TANGO2: variants seen among roughly 807,000 people sequenced by gnomAD.
TANGO2 encodes the protein transport and Golgi organization protein 2 homolog.
In TANGO2, 26 loss-of-function variants were observed where a neutral mutation model predicts 39.1. The ratio of observed to expected loss-of-function variants is 0.67; its 90% CI spans 0.49 to 0.92. The LOEUF is 0.92. TANGO2 is among the 40% of genes least tolerant of loss of function. The pLI, the probability that TANGO2 is intolerant of heterozygous loss-of-function variation, is 0.00. For missense variants in TANGO2, 326 were observed against 360.1 expected, an observed-to-expected ratio of 0.91 and a Z score of 0.77; for synonymous variants, 131 against 144.5, an observed-to-expected ratio of 0.91 and a Z score of 0.67.
intron 1 of TANGO2, among the ~76,000 whole-genome samples, chr22:20,023,682 G>A (rs1173642171): frequency 3.3e-5 from 5 of 151,178 alleles, no homozygotes; most frequent in African/African-American, 4.9e-5. Flanking sequence ...GTGAAACCCC[G>A]TCTCTACTAA....
intron 1 of TANGO2, among the ~76,000 whole-genome samples, chr22:20,023,775 G>A (rs944590041): frequency 7.9e-5 from 12 of 150,982 alleles, no homozygotes; most frequent in African/African-American, 2.9e-4. Flanking sequence ...GGAGAATGGC[G>A]TGAACCCAGG....
chr22:20,033,793 A>G (rs959837127), intron 1 of TANGO2, among the ~76,000 whole-genome samples: 10 of 152,244 alleles, frequency 6.6e-5, no homozygotes, highest in Non-Finnish European at 1.3e-4. Flanking sequence ...CGTGTTCCCC[A>G]TCTTCCTGCA....
At chr22:20,024,338 G>A (rs953272894) in intron 1 of TANGO2, among the ~76,000 whole-genome samples, 16 of 152,236 alleles carry the variant, frequency 1.1e-4, no homozygotes, top group African/African-American at 3.9e-4. Context: ...GTTTCCTGAC[G>A]TCAGGACTTT....
intron 1 of TANGO2, among the ~76,000 whole-genome samples, chr22:20,026,848 G>A (rs562789788): frequency 2.0e-3 from 298 of 152,320 alleles, no homozygotes; most frequent in Non-Finnish European, 3.7e-3. Context: ...AGACGTTAGC[G>A]GGGACTTGGC....
At chr22:20,063,685 G>C (rs2048797527) in intron 8 of TANGO2, 4 of 440,430 alleles carry the variant, frequency 9.1e-6, no homozygotes, top group Non-Finnish European at 1.6e-5. Context: ...ATGGCTTCAG[G>C]GCTGCCTGCA....
rs912008484 is a variant in TANGO2, at chr22:20,065,042, C to T, written c.*380C>T. ...ATGGACACCGACACAGGCACATGTA[C>T]GTGCACAGGTGTGCTACACATGTGC... is the stretch of plus-strand genomic sequence containing the variant. On this transcript the variant is annotated 3_prime_UTR_variant, in exon 9 of 9. Coordinates refer to ENST00000327374, the MANE Select transcript of TANGO2 (RefSeq NM_152906.7). 4.6e-5 allele frequency: 11 copies of T among 237,318 alleles called. No individual in the cohort carries two copies. The highest frequency in any genetic ancestry group is 8.9e-5 in the African/African-American group (4 of 45,040). 14.7% of individuals were successfully genotyped at this position (237,318 alleles called of 1,614,324 possible).
At chr22:20,050,239 A>G (rs2046043868) in intron 3 of TANGO2, among the ~76,000 whole-genome samples, 1 of 151,938 alleles carries the variant, frequency 6.6e-6, no homozygotes, top group Non-Finnish European at 1.5e-5. Flanking sequence ...ACACTATTGA[A>G]TCTTTCAGTG....
Position 20,052,466 on chromosome 22 carries a change from G to A in TANGO2, c.147G>A (p.Gly49=). 1 of 1,599,208 alleles carries A rather than the reference G, an allele frequency of 6.3e-7. No homozygotes were observed. Among genetic ancestry groups the A allele is most frequent in the Middle Eastern group, 1.7e-4 (1 of 6,008 alleles). Residue 49 remains glycine (G), a splice_region_variant and synonymous_variant, in exon 4 of 9, where the codon GGG becomes GGA. Coordinates refer to ENST00000327374, the MANE Select transcript of TANGO2 (RefSeq NM_152906.7). Reference sequence around the variant, plus strand: ...TGGTAACACTGTCATCTGCCACAGGGCTGGACATGGAGGAAGGCAAGGAAG... The same window carrying A: ...TGGTAACACTGTCATCTGCCACAGGACTGGACATGGAGGAAGGCAAGGAAG... ...FWGNNNEILS[G]LDMEEGKEGG...
chr22:20,045,215 C>T lies in TANGO2; in HGVS notation c.145+1772C>T, dbSNP rs373247469. ...CTTTGGGAGTCCAAGGCAGGAGGATCCCTTGAGGCCAGGAGCTTGAGACCG... is the reference window on the plus strand; with the variant it reads ...CTTTGGGAGTCCAAGGCAGGAGGATTCCTTGAGGCCAGGAGCTTGAGACCG... On this transcript the variant is annotated intron_variant, in intron 3 of 8. Coordinates refer to ENST00000327374, the MANE Select transcript of TANGO2 (RefSeq NM_152906.7). Among the ~76,000 whole-genome samples the T allele has an allele frequency of 7.3e-4, 111 of 151,728 alleles. 1 individual carries two copies. Among genetic ancestry groups the T allele is most frequent in the South Asian group, 6.7e-3 (32 of 4,794 alleles).
At chr22:20,043,108 G>T (rs2044287039) in intron 2 of TANGO2, among the ~76,000 whole-genome samples, 1 of 152,160 alleles carries the variant, frequency 6.6e-6, no homozygotes, top group Non-Finnish European at 1.5e-5. Context: ...GCCATTGAAT[G>T]GTGTGGATGT....
intron 2 of TANGO2, among the ~76,000 whole-genome samples, chr22:20,037,696 A>G (rs908252230): frequency 1.1e-4 from 17 of 152,154 alleles, no homozygotes; most frequent in African/African-American, 3.6e-4. Flanking sequence ...TCCCAGCAGC[A>G]GACAGCATGC....
intron 3 of TANGO2, among the ~76,000 whole-genome samples, chr22:20,047,163 G>T (rs906506669): frequency 6.6e-6 from 1 of 151,768 alleles, no homozygotes; most frequent in Non-Finnish European, 1.5e-5. Flanking sequence ...TGAAGGATCT[G>T]CCATTAGGTA....
Position 20,053,569 on chromosome 22 carries a change from G to T in TANGO2, c.380+18G>T, listed in dbSNP as rs1340874552. 3 of 1,542,182 alleles carry T rather than the reference G, an allele frequency of 1.9e-6. No individual in the cohort carries two copies. Among genetic ancestry groups the T allele is most frequent in the Non-Finnish European group, 2.7e-6 (3 of 1,114,918 alleles). On this transcript the variant is annotated intron_variant, in intron 5 of 8. Coordinates refer to ENST00000327374, the MANE Select transcript of TANGO2 (RefSeq NM_152906.7). ...GACCTGAGGTGGGTCTGCCAGAGGG[G>T]GATGGCGGCTCTGCCCAGCACTGCC...
At chr22:20,063,270 T>G in intron 7 of TANGO2, 68 bp from the exon 8 acceptor site, 1 of 1,458,260 alleles carries the variant, frequency 6.9e-7, no homozygotes. Context: ...CCAGGTGGGC[T>G]GGGGCTAGAC....
rs766329222 is a variant in TANGO2, at chr22:20,064,623, C to A, written c.792C>A (p.His264Gln). The A allele has an allele frequency of 2.5e-6, 4 of 1,614,172 alleles. No homozygotes were observed. The highest frequency in any genetic ancestry group is 3.4e-6 in the Non-Finnish European group (4 of 1,179,986). ...GCATGATGGACAAGGACCTCTCCCA[C>A]TGGGAGACCAGAACCTATGAGTTCA... ...ERSMMDKDLSHWETRTYEFTL... is the reference protein window; with the variant it reads ...ERSMMDKDLSQWETRTYEFTL... Residue 264 changes from histidine to glutamine, a missense_variant, in exon 9 of 9, where the codon CAC becomes CAA. By Grantham distance (24) the His-to-Gln change is conservative. Coordinates refer to ENST00000327374, the MANE Select transcript of TANGO2 (RefSeq NM_152906.7).
At chr22:20,017,634 C>A (rs1945291564), upstream of TANGO2, among the ~76,000 whole-genome samples, 1 of 152,182 alleles carries the variant, frequency 6.6e-6, no homozygotes, top group Non-Finnish European at 1.5e-5. Context: ...TGCGTTTATG[C>A]CCGCACCCCG....
At chr22:20,050,001 G>A (rs1387769405) in intron 3 of TANGO2, among the ~76,000 whole-genome samples, 1 of 152,106 alleles carries the variant, frequency 6.6e-6, no homozygotes, top group African/African-American at 2.4e-5. Flanking sequence ...GAGATCAGGA[G>A]ACCGAGACCA....
In TANGO2 at chr22:20,064,955, A is replaced by C. The variant is rs1282291722; in HGVS notation, c.*293A>C. ...CCCACTCTTGCACATGTACACAGGC[A>C]CTCACATGGCACACACATACACTCC... On this transcript the variant is annotated 3_prime_UTR_variant, in exon 9 of 9. Transcript: ENST00000327374. 7.6e-6 allele frequency: 3 copies of C among 393,194 alleles called. No individual in the cohort carries two copies. The highest frequency in any genetic ancestry group is 1.4e-5 in the Non-Finnish European group (3 of 212,522). The allele number at this position is 393,194 out of a possible 1,614,324, so 24.4% of individuals were successfully genotyped here. A position where few individuals can be genotyped will look rare whatever the true frequency, so the allele number is the denominator to read the frequency against.
chr22:20,059,173 G>A (rs1003498185), intron 6 of TANGO2, among the ~76,000 whole-genome samples: 1 of 152,206 alleles, frequency 6.6e-6, no homozygotes, highest in Admixed American at 6.5e-5. Flanking sequence ...TGTTGTGAGG[G>A]AGTTTATCAA....
Sources: allele counts gnomAD v4.1 joint callset (sites outside exome capture counted in the v4.1 genomes callset), GRCh38; gene constraint gnomAD v4.1.1; transcripts MANE v1.5; gene names NCBI Gene and HGNC (gene_info 2026-07-23, HGNC 2026-07-21).